The following SLC2A14 variants were observed in gnomAD, a reference collection of about 807,000 sequenced individuals.
SLC2A14 encodes the protein solute carrier family 2 member 14.
Under a neutral mutation model 43.0 loss-of-function variants are expected in SLC2A14, and 13 were observed. The observed-to-expected ratio is 0.30, with a 90% confidence interval of 0.20 to 0.48. The LOEUF is 0.48. Ranked by LOEUF, SLC2A14 falls within the 20% of genes least tolerant of loss-of-function variation. The pLI is 0.99. For missense variants in SLC2A14, 428 were observed against 620.4 expected (o/e 0.69, Z 3.29); for synonymous variants, 190 against 233.8 (o/e 0.81, Z 1.71).
intron 2 of SLC2A14, among the ~76,000 whole-genome samples, chr12:7,851,390 G>T (rs970025942): frequency 6.6e-6 from 1 of 152,096 alleles, no homozygotes; most frequent in South Asian, 2.1e-4. Context: ...TACAAATCAG[G>T]TGTTCACTTA....
intron 7 of SLC2A14, among the ~76,000 whole-genome samples, chr12:7,825,276 C>A (rs1053774191): frequency 6.8e-6 from 1 of 147,726 alleles, no homozygotes; most frequent in Non-Finnish European, 1.5e-5. Flanking sequence ...GACTGGTCAA[C>A]ATGGTGAAAG....
chr12:7,828,878 A>G lies in SLC2A14; in HGVS notation c.514-12T>C. ...TCCAGACCAAAGATCTAGAAACCAC[A>G]CAAAGATAATGCTATAAACCCCATA... On this transcript the variant is annotated splice_polypyrimidine_tract_variant and intron_variant, in intron 5 of 10. Coordinates refer to ENST00000431042, the MANE Select transcript of SLC2A14 (RefSeq NM_001286234.2). 6.2e-7 allele frequency: 1 copy of G among 1,612,474 alleles called. No homozygotes were observed. The highest frequency in any genetic ancestry group is 8.5e-7 in the Non-Finnish European group (1 of 1,179,246).
chr12:7,882,205 C>T (rs1268766827), intron 1 of SLC2A14, among the ~76,000 whole-genome samples: 4 of 151,770 alleles, frequency 2.6e-5, no homozygotes, highest in Non-Finnish European at 4.4e-5. Context: ...CTTTTGAAGC[C>T]GGTAAGACCA....
intron 2 of SLC2A14, among the ~76,000 whole-genome samples, chr12:7,849,376 C>T (rs774163394): frequency 2.6e-4 from 40 of 152,014 alleles, no homozygotes; most frequent in African/African-American, 9.4e-4. Context: ...TGGTGGCGCC[C>T]ACCTGTGGTC....
exon 1 of SLC2A14, chr12:7,891,090 A>G: frequency 6.5e-7 from 1 of 1,535,094 alleles, no homozygotes; most frequent in Non-Finnish European, 8.7e-7. Flanking sequence ...TTTCACACCC[A>G]GGAGTACTTC....
chr12:7,885,554 G>GT (rs35993511), intron 1 of SLC2A14, among the ~76,000 whole-genome samples: 98,209 of 148,802 alleles, frequency 0.66, 32,401 homozygotes, highest in Admixed American at 0.75. Flanking sequence ...AAATTGGTAA[G>GT]TTTTTTTTTT....
Position 7,826,861 on chromosome 12 carries a change from T to TTCCTTCCTTCCTTCCTTCCTTCCTTCC in SLC2A14, c.864+633_864+634insGGAAGGAAGGAAGGAAGGAAGGAAGGA, listed in dbSNP as rs1555121671. Among the ~76,000 whole-genome samples the TTCCTTCCTTCCTTCCTTCCTTCCTTCC allele has an allele frequency of 8.3e-4, 50 of 60,326 alleles. 5 individuals carry two copies. The highest frequency in any genetic ancestry group is 3.3e-3 in the African/African-American group (42 of 12,640). 39.6% of individuals were successfully genotyped at this position (60,326 alleles called of 152,430 possible). ...TCCTTCCTTCCTTCCTTCCTTTCTT[T>TTCCTTCCTTCCTTCCTTCCTTCCTTCC]TTTCTTTCTTTCTTTCTTTCTTTCT... On this transcript the variant is annotated intron_variant, in intron 7 of 10. Coordinates refer to ENST00000431042, the MANE Select transcript of SLC2A14 (RefSeq NM_001286234.2).
upstream of SLC2A14, among the ~76,000 whole-genome samples, chr12:7,875,538 A>G (rs1422812726): frequency 6.6e-6 from 1 of 151,904 alleles, no homozygotes; most frequent in Non-Finnish European, 1.5e-5. Context: ...AATTATTGCT[A>G]TGAATTGAAT....
intron 8 of SLC2A14, among the ~76,000 whole-genome samples, chr12:7,820,965 T>C (rs1205919234): frequency 6.6e-6 from 1 of 151,964 alleles, no homozygotes; most frequent in Non-Finnish European, 1.5e-5. Context: ...CGCACACCTG[T>C]ATCCGAGCTA....
intron 2 of SLC2A14, among the ~76,000 whole-genome samples, chr12:7,849,771 C>T (rs758915083): frequency 1.3e-3 from 193 of 151,242 alleles, no homozygotes; most frequent in Middle Eastern, 0.01. Flanking sequence ...GGTGTGGCGG[C>T]GGGCACCTGT....
chr12:7,839,427 T>A (rs1314424593), intron 2 of SLC2A14, among the ~76,000 whole-genome samples: 2 of 151,864 alleles, frequency 1.3e-5, no homozygotes, highest in African/African-American at 4.8e-5. Flanking sequence ...GGGGGCAGAG[T>A]GGCAGGAGAA....
chr12:7,814,158 A>G lies in SLC2A14; in HGVS notation c.*158T>C, dbSNP rs1187563095. On this transcript the variant is annotated 3_prime_UTR_variant, in exon 11 of 11. Transcript: ENST00000431042. ...TTTAAAAAGCCATTGAAGATCCAAC[A>G]AACTGCAGCCTTGGGGTGCTCATGG... 7 of 1,412,940 alleles carry G rather than the reference A, an allele frequency of 5.0e-6. No individual in the cohort carries two copies. The highest frequency in any genetic ancestry group is 4.7e-5 in the Admixed American group (2 of 42,658). 87.5% of individuals were successfully genotyped at this position (1,412,940 alleles called of 1,614,324 possible).
chr12:7,829,762 G>A lies in SLC2A14; in HGVS notation c.513+4C>T. On this transcript the variant is annotated splice_donor_region_variant and intron_variant, in intron 5 of 10. Transcript: ENST00000431042. ...CTCATTAAGTATGAGAAGTTCTAGA[G>A]TACCTGGGCCACCAGAATTCCAATA... The A allele has an allele frequency of 1.2e-6, 2 of 1,614,100 alleles. No individual in the cohort carries two copies. Among genetic ancestry groups the A allele is most frequent in the Non-Finnish European group, 1.7e-6 (2 of 1,180,016 alleles).
chr12:7,867,306 A>C (rs113155506), intron 2 of SLC2A14, among the ~76,000 whole-genome samples: 35,128 of 128,314 alleles, frequency 0.27, 5,508 homozygotes, highest in Middle Eastern at 0.36. Flanking sequence ...AAAAACAAAA[A>C]AAACATTCGT....
At chr12:7,819,021 C>T (rs1437775989) in intron 9 of SLC2A14, among the ~76,000 whole-genome samples, 5 of 152,068 alleles carry the variant, frequency 3.3e-5, no homozygotes, top group Non-Finnish European at 7.4e-5. Context: ...AGTTCGAGAC[C>T]AGTCTGACCA....
intron 1 of SLC2A14, among the ~76,000 whole-genome samples, chr12:7,880,699 AAAAAAAAAAAAAAAAG>A (rs1329444631): frequency 1.6e-5 from 2 of 128,084 alleles, no homozygotes; most frequent in Non-Finnish European, 3.4e-5. Flanking sequence ...TCAAAAAAAA[AAAAAAAAAAAAAAAAG>A]AGAGAAATTG....
chr12:7,884,156 G>A (rs991811577), intron 1 of SLC2A14, among the ~76,000 whole-genome samples: 2 of 149,538 alleles, frequency 1.3e-5, no homozygotes, highest in East Asian at 2.0e-4. Flanking sequence ...ATCTGACCTC[G>A]TGATCTGCCC....
chr12:7,821,933 T>TCC (rs1863951376), intron 7 of SLC2A14, among the ~76,000 whole-genome samples: 1 of 151,048 alleles, frequency 6.6e-6, no homozygotes, highest in Non-Finnish European at 1.5e-5. Context: ...CAAGCGATTC[T>TCC]CCTGCCTCAG....
intron 4 of SLC2A14, 33 bp downstream of exon 4, chr12:7,831,571 A>G: frequency 6.2e-7 from 1 of 1,612,632 alleles, no homozygotes. Flanking sequence ...CATCTGGTAG[A>G]GCCCACTTCC....
Sources: gnomAD v4.1 joint callset for allele counts (sites outside exome capture counted in the v4.1 genomes callset) on GRCh38, gnomAD v4.1.1 for gene constraint, MANE v1.5 for transcripts, NCBI Gene and HGNC (gene_info 2026-07-23, HGNC 2026-07-21) for gene names.